Variants in CNTN5 observed in about 807,000 individuals in gnomAD.
The protein encoded by CNTN5 is contactin-5.
CNTN5 carries 77 observed loss-of-function variants against 129.1 expected under a neutral mutation model. The ratio of observed to expected loss-of-function variants is 0.60; its 90% CI spans 0.50 to 0.72. The LOEUF is 0.72. CNTN5 is among the 30% of genes least tolerant of loss of function. CNTN5 has a pLI of 0.00. For missense variants in CNTN5, 1,478 were observed against 1,328.8 expected (o/e 1.11, Z -1.75); for synonymous variants, 509 against 465.6 (o/e 1.09, Z -1.20).
At chr11:99,791,257 C>T (rs1020125303) in intron 3 of CNTN5, among the ~76,000 whole-genome samples, 1 of 151,912 alleles carries the variant, frequency 6.6e-6, no homozygotes, top group Non-Finnish European at 1.5e-5. Context: ...GGTTATCTTC[C>T]AGGGTTTTAA....
intron 3 of CNTN5, among the ~76,000 whole-genome samples, chr11:99,701,803 C>A (rs1954532241): frequency 6.6e-6 from 1 of 151,084 alleles, no homozygotes; most frequent in Non-Finnish European, 1.5e-5. Context: ...GTTAGAGTAA[C>A]TATGAAGATG....
intron 4 of CNTN5, among the ~76,000 whole-genome samples, chr11:99,843,945 T>G (rs1393425532): frequency 1.3e-5 from 2 of 152,224 alleles, no homozygotes; most frequent in African/African-American, 4.8e-5. Context: ...CTTACGTAAC[T>G]GTGGGCTGAC....
In CNTN5 at chr11:100,338,559, G is replaced by A. The variant is rs140649551; in HGVS notation, c.2731-1904G>A. 1.5e-3 allele frequency among the ~76,000 whole-genome samples: 231 copies of A among 152,282 alleles called. 2 individuals are homozygous for A. The highest frequency in any genetic ancestry group is 6.8e-3 in the Middle Eastern group (2 of 294). Reference sequence around the variant, plus strand: ...AAAGAATTACTCTCTTATGACCTTCGCCGCAGTAATGCAGGATTTTTCTCG... The same window carrying A: ...AAAGAATTACTCTCTTATGACCTTCACCGCAGTAATGCAGGATTTTTCTCG... On this transcript the variant is annotated intron_variant, in intron 21 of 24. Coordinates refer to ENST00000524871, the MANE Select transcript of CNTN5 (RefSeq NM_014361.4).
At chr11:100,157,401 A>C (rs544149199) in intron 13 of CNTN5, among the ~76,000 whole-genome samples, 13 of 152,042 alleles carry the variant, frequency 8.6e-5, no homozygotes, top group African/African-American at 3.1e-4. Flanking sequence ...CCAGGAATAA[A>C]TATGCTAAAA....
intron 2 of CNTN5, among the ~76,000 whole-genome samples, chr11:99,372,999 A>T (rs938280662): frequency 6.6e-6 from 1 of 152,116 alleles, no homozygotes; most frequent in Non-Finnish European, 1.5e-5. Flanking sequence ...ACCTGAGGTC[A>T]GGAGTTTGAG....
intron 3 of CNTN5, among the ~76,000 whole-genome samples, chr11:99,790,905 G>T (rs1444551861): frequency 6.6e-6 from 1 of 152,026 alleles, no homozygotes; most frequent in African/African-American, 2.4e-5. Context: ...TTTCTCTAAT[G>T]ACTAGTAATA....
At chr11:99,241,318 G>GTTTTTTTTTTTTTTTTTTTT (rs10648459) in intron 1 of CNTN5, among the ~76,000 whole-genome samples, 14 of 88,036 alleles carry the variant, frequency 1.6e-4, no homozygotes, top group Middle Eastern at 0.01. Flanking sequence ...TTGATTGTTG[G>GTTTTTTTTTTTTTTTTTTTT]TTTTTTTTTT....
intron 7 of CNTN5, among the ~76,000 whole-genome samples, chr11:99,941,090 C>A (rs1001809300): frequency 6.6e-6 from 1 of 152,224 alleles, no homozygotes; most frequent in East Asian, 1.9e-4. Flanking sequence ...TTCTCTCCCA[C>A]TTCCAACATT....
At chr11:100,021,320 A>G (rs1050834148) in intron 9 of CNTN5, among the ~76,000 whole-genome samples, 4 of 152,144 alleles carry the variant, frequency 2.6e-5, no homozygotes, top group Non-Finnish European at 5.9e-5. Context: ...ACAAATGTCA[A>G]ATAGCTTAAG....
chr11:99,812,201 A>ATT, intron 3 of CNTN5, among the ~76,000 whole-genome samples: 1 of 152,120 alleles, frequency 6.6e-6, no homozygotes, highest in Non-Finnish European at 1.5e-5. Context: ...TTTTCTGTAG[A>ATT]TATATAGAGT....
chr11:100,174,773 C>T (rs1947913985), intron 13 of CNTN5, among the ~76,000 whole-genome samples: 1 of 152,130 alleles, frequency 6.6e-6, no homozygotes, highest in African/African-American at 2.4e-5. Flanking sequence ...TCGCTTAGCA[C>T]ACAAGTCTCT....
rs893279622 is a variant in CNTN5, at chr11:99,403,966, A to G, written c.-71+78482A>G. ...TAAAAGTGGGGTGTTTAAGTCTCCAACTATCATTGTATTGGAGTCTATCTC... is the reference window on the plus strand; with the variant it reads ...TAAAAGTGGGGTGTTTAAGTCTCCAGCTATCATTGTATTGGAGTCTATCTC... On this transcript the variant is annotated intron_variant, in intron 2 of 24. Transcript: ENST00000524871. Among the ~76,000 whole-genome samples the G allele has an allele frequency of 2.0e-5, 3 of 152,238 alleles. No homozygotes were observed. The East Asian group carries it at 5.8e-4, about 29-fold the overall frequency.
chr11:99,070,665 C>T (rs1865305803), intron 1 of CNTN5, among the ~76,000 whole-genome samples: 1 of 151,914 alleles, frequency 6.6e-6, no homozygotes, highest in South Asian at 2.1e-4. Context: ...ACCATGCTGG[C>T]CATTTTTAAA....
chr11:99,214,372 A>T (rs1468717461), intron 1 of CNTN5, among the ~76,000 whole-genome samples: 2 of 144,112 alleles, frequency 1.4e-5, no homozygotes, highest in African/African-American at 2.6e-5. Flanking sequence ...ATACCAAAAA[A>T]TATATATATT....
At chr11:100,013,143 C>G (rs1940623199) in intron 9 of CNTN5, among the ~76,000 whole-genome samples, 1 of 152,076 alleles carries the variant, frequency 6.6e-6, no homozygotes, top group Admixed American at 6.6e-5. Context: ...AATGTGTACA[C>G]ATGGGCATAT....
At chr11:99,489,076 A>G (rs946675936) in intron 2 of CNTN5, among the ~76,000 whole-genome samples, 1 of 152,176 alleles carries the variant, frequency 6.6e-6, no homozygotes, top group African/African-American at 2.4e-5. Flanking sequence ...TAAAAAATAA[A>G]TACCCTTGCT....
At chr11:99,069,571 T>C (rs1042759195) in intron 1 of CNTN5, among the ~76,000 whole-genome samples, 8 of 152,178 alleles carry the variant, frequency 5.3e-5, no homozygotes, top group Non-Finnish European at 7.3e-5. Context: ...GTCCTTCCCA[T>C]TGAAATAAGC....
intron 1 of CNTN5, among the ~76,000 whole-genome samples, chr11:99,254,179 A>G (rs1862260305): frequency 6.6e-6 from 1 of 151,810 alleles, no homozygotes; most frequent in Non-Finnish European, 1.5e-5. Flanking sequence ...GGGGTGGTTG[A>G]ACGTTACTTA....
chr11:100,319,483 T>C (rs1056616857), intron 21 of CNTN5, among the ~76,000 whole-genome samples: 1 of 152,202 alleles, frequency 6.6e-6, no homozygotes, highest in Non-Finnish European at 1.5e-5. Flanking sequence ...GATGAAATTA[T>C]ATGGATTTAT....
Sources: gnomAD v4.1 joint callset for allele counts (sites outside exome capture counted in the v4.1 genomes callset) on GRCh38, gnomAD v4.1.1 for gene constraint, MANE v1.5 for transcripts, NCBI Gene and HGNC (gene_info 2026-07-23, HGNC 2026-07-21) for gene names.